The following GHR variants were observed in gnomAD, a reference collection of about 807,000 sequenced individuals.
GHR encodes GH receptor.
In GHR, 35 loss-of-function variants were observed where a neutral mutation model predicts 67.1. The ratio of observed to expected loss-of-function variants is 0.52; its 90% CI spans 0.40 to 0.69. The LOEUF (loss-of-function observed/expected upper bound fraction) is 0.69, where lower values mean the gene tolerates loss of function less well. Ranked by LOEUF, GHR falls within the 30% of genes least tolerant of loss-of-function variation. The probability of loss-of-function intolerance (pLI) is 0.00; values close to 1 mark genes in which losing one functional copy is unlikely to be tolerated. For missense variants in GHR, 792 were observed against 764.6 expected (o/e 1.04, Z -0.42); for synonymous variants, 272 against 269.1 (o/e 1.01, Z -0.10).
intron 1 of GHR, among the ~76,000 whole-genome samples, chr5:42,543,718 G>A (rs1474514477): frequency 6.6e-6 from 1 of 151,946 alleles, no homozygotes; most frequent in African/African-American, 2.4e-5. Context: ...ATTACTGTGG[G>A]CTTTTAATCT....
chr5:42,455,976 CT>C (rs1744242245), intron 1 of GHR, among the ~76,000 whole-genome samples: 1 of 152,226 alleles, frequency 6.6e-6, no homozygotes, highest in Non-Finnish European at 1.5e-5. Context: ...TGGTCTTCAA[CT>C]TTGGCTGTAT....
At chr5:42,438,813 T>C (rs1743445831) in intron 1 of GHR, among the ~76,000 whole-genome samples, 1 of 152,078 alleles carries the variant, frequency 6.6e-6, no homozygotes, top group Non-Finnish European at 1.5e-5. Context: ...ATGACTGCAG[T>C]CTTCCACCAA....
At chr5:42,466,790 T>A (rs1466602258) in intron 1 of GHR, 1 of 820,872 alleles carries the variant, frequency 1.2e-6, no homozygotes, top group Admixed American at 3.3e-5. Context: ...GACATAGGCC[T>A]CATCTTTATA....
intron 2 of GHR, among the ~76,000 whole-genome samples, chr5:42,575,457 G>A (rs990063295): frequency 5.3e-5 from 8 of 152,064 alleles, no homozygotes; most frequent in African/African-American, 1.7e-4. Flanking sequence ...AAAATGAGAC[G>A]GGGAAGGTAA....
chr5:42,670,865 TAA>T (rs71608658), intron 3 of GHR, among the ~76,000 whole-genome samples: 1,406 of 112,138 alleles, frequency 0.013, 30 homozygotes, highest in South Asian at 0.1. Context: ...AAGCAAAAAT[TAA>T]AAAAAAAAAA....
At chr5:42,491,359 T>A (rs944553999) in intron 1 of GHR, among the ~76,000 whole-genome samples, 1 of 152,228 alleles carries the variant, frequency 6.6e-6, no homozygotes. Context: ...AACACAGGCC[T>A]CATGTAAAGA....
intron 1 of GHR, among the ~76,000 whole-genome samples, chr5:42,562,658 T>C (rs1749679941): frequency 6.9e-6 from 1 of 143,988 alleles, no homozygotes; most frequent in African/African-American, 2.6e-5. Context: ...TTTTTTTTTT[T>C]TTTTTTTTTT....
intron 1 of GHR, among the ~76,000 whole-genome samples, chr5:42,510,689 C>T (rs1746974928): frequency 6.6e-6 from 1 of 152,132 alleles, no homozygotes; most frequent in African/African-American, 2.4e-5. Context: ...TAAAAATGCA[C>T]AAAAACAGTA....
At chr5:42,603,899 A>G (rs1425061036) in intron 2 of GHR, among the ~76,000 whole-genome samples, 1 of 152,174 alleles carries the variant, frequency 6.6e-6, no homozygotes. Context: ...GCCAATTGCA[A>G]ACCCCAGGTT....
intron 2 of GHR, among the ~76,000 whole-genome samples, chr5:42,603,235 A>T (rs996676654): frequency 2.0e-5 from 3 of 152,102 alleles, no homozygotes; most frequent in African/African-American, 7.2e-5. Context: ...ATAATACTAC[A>T]GAGATTTCAT....
chr5:42,685,234 G>T (rs2111625746), intron 3 of GHR, among the ~76,000 whole-genome samples: 1 of 152,180 alleles, frequency 6.6e-6, no homozygotes, highest in Admixed American at 6.5e-5. Context: ...GAGGATGATG[G>T]TTTGCAGCTT....
At chr5:42,669,452 T>A (rs1756162410) in intron 3 of GHR, among the ~76,000 whole-genome samples, 1 of 152,206 alleles carries the variant, frequency 6.6e-6, no homozygotes, top group African/African-American at 2.4e-5. Flanking sequence ...CCCCTTAGAC[T>A]TCATTAGCTT....
intron 3 of GHR, among the ~76,000 whole-genome samples, chr5:42,685,844 C>A (rs530600875): frequency 6.6e-6 from 1 of 152,142 alleles, no homozygotes; most frequent in South Asian, 2.1e-4. Context: ...GATATTAGCC[C>A]TTTGTCAGAT....
intron 1 of GHR, among the ~76,000 whole-genome samples, chr5:42,430,159 C>T (rs1743029807): frequency 6.6e-6 from 1 of 152,196 alleles, no homozygotes; most frequent in East Asian, 1.9e-4. Flanking sequence ...TTACTCTTAG[C>T]TTACCAAGTC....
chr5:42,677,318 C>T (rs570906981), intron 3 of GHR, among the ~76,000 whole-genome samples: 49 of 152,296 alleles, frequency 3.2e-4, no homozygotes, highest in African/African-American at 1.2e-3. Context: ...CATCCTGAAT[C>T]CACAAATCCT....
chr5:42,483,726 C>T (rs573332584), intron 1 of GHR, among the ~76,000 whole-genome samples: 1 of 152,252 alleles, frequency 6.6e-6, no homozygotes, highest in African/African-American at 2.4e-5. Flanking sequence ...GACCTCTTAG[C>T]CCATGTCCAT....
intron 1 of GHR, among the ~76,000 whole-genome samples, chr5:42,495,124 G>A (rs936712549): frequency 4.6e-5 from 7 of 151,900 alleles, no homozygotes; most frequent in African/African-American, 1.2e-4. Context: ...TTTATAAGGT[G>A]TAGATATTGC....
chr5:42,603,903 C>T (rs1162489091), intron 2 of GHR, among the ~76,000 whole-genome samples: 1 of 152,176 alleles, frequency 6.6e-6, no homozygotes, highest in Non-Finnish European at 1.5e-5. Flanking sequence ...ATTGCAAACC[C>T]CAGGTTATTT....
At chr5:42,715,513 C>T (rs1414226126) in intron 8 of GHR, among the ~76,000 whole-genome samples, 1 of 152,158 alleles carries the variant, frequency 6.6e-6, no homozygotes, top group African/African-American at 2.4e-5. Context: ...GTATCTGATA[C>T]AAAACCACAA....
Sources: gnomAD v4.1 joint callset for allele counts (sites outside exome capture counted in the v4.1 genomes callset) on GRCh38, gnomAD v4.1.1 for gene constraint, MANE v1.5 for transcripts, NCBI Gene and HGNC (gene_info 2026-07-23, HGNC 2026-07-21) for gene names.